Variants in DCC observed in about 807,000 individuals in gnomAD.
DCC encodes DCC netrin 1 receptor.
Under a neutral mutation model 172.5 loss-of-function variants are expected in DCC, and 58 were observed. The observed-to-expected ratio is 0.34, with a 90% CI of 0.27 to 0.42. The LOEUF (loss-of-function observed/expected upper bound fraction) is 0.42. Ranked by LOEUF, DCC falls within the 10% of genes least tolerant of loss-of-function variation. The pLI, the probability that DCC is intolerant of heterozygous loss-of-function variation, is 1.00. For synonymous variants in DCC, 709 were observed against 644.5 expected (o/e 1.10, Z -1.52); for missense variants, 1,740 against 1,791.0 (o/e 0.97, Z 0.51).
chr18:53,317,025 G>C (rs371346787), intron 13 of DCC, among the ~76,000 whole-genome samples: 1 of 152,150 alleles, frequency 6.6e-6, no homozygotes, highest in Non-Finnish European at 1.5e-5. Context: ...GTCTTGTGCC[G>C]GCTTTCAAAG....
intron 1 of DCC, among the ~76,000 whole-genome samples, chr18:52,586,607 T>C (rs2033679795): frequency 6.6e-6 from 1 of 152,216 alleles, no homozygotes; most frequent in Non-Finnish European, 1.5e-5. Flanking sequence ...AAGGTAATGT[T>C]GCAGGAACAG....
chr18:52,798,619 A>G (rs1405750320), intron 2 of DCC, among the ~76,000 whole-genome samples: 1 of 152,240 alleles, frequency 6.6e-6, no homozygotes, highest in Admixed American at 6.5e-5. Context: ...GATTATTTAT[A>G]ACTGTGTCTG....
At chr18:53,499,862 G>A (rs2046074900) in intron 27 of DCC, among the ~76,000 whole-genome samples, 1 of 152,110 alleles carries the variant, frequency 6.6e-6, no homozygotes, top group Admixed American at 6.5e-5. Flanking sequence ...GTTAAAGCTA[G>A]ACTGCAAGAC....
intron 1 of DCC, among the ~76,000 whole-genome samples, chr18:52,658,853 G>A (rs2035304693): frequency 6.6e-6 from 1 of 152,080 alleles, no homozygotes; most frequent in African/African-American, 2.4e-5. Context: ...TTCATGTGAA[G>A]TTTACAGTCT....
chr18:53,190,661 T>A (rs1380780007), intron 9 of DCC, among the ~76,000 whole-genome samples: 1 of 152,150 alleles, frequency 6.6e-6, no homozygotes, highest in East Asian at 1.9e-4. Flanking sequence ...ATTTTTAAAA[T>A]CTCAGCAGGG....
chr18:52,518,811 G>A lies in DCC; in HGVS notation c.91+177933G>A, dbSNP rs116324834. ...AGACAAAAATGACTGGACCCCTATG[G>A]TGCATTTTTGTTTTATTTGCTTTTA... On this transcript the variant is annotated intron_variant, in intron 1 of 28. Transcript: ENST00000442544. Among the ~76,000 whole-genome samples the A allele has an allele frequency of 7.4e-3, 1,121 of 152,250 alleles. 9 individuals are homozygous for A. Among genetic ancestry groups the A allele is most frequent in the African/African-American group, 0.025 (1,023 of 41,542 alleles).
At chr18:53,099,389 T>G (rs2043130724) in intron 7 of DCC, among the ~76,000 whole-genome samples, 1 of 152,134 alleles carries the variant, frequency 6.6e-6, no homozygotes, top group African/African-American at 2.4e-5. Flanking sequence ...CTATGCCCTT[T>G]GACATGTTTT....
At chr18:53,067,487 A>G (rs1368554811) in intron 7 of DCC, among the ~76,000 whole-genome samples, 3 of 152,210 alleles carry the variant, frequency 2.0e-5, no homozygotes, top group South Asian at 2.1e-4. Flanking sequence ...ACACTACTGC[A>G]CTACAACCTG....
intron 27 of DCC, among the ~76,000 whole-genome samples, chr18:53,511,853 T>C (rs1204174770): frequency 2.0e-5 from 3 of 152,130 alleles, no homozygotes; most frequent in African/African-American, 7.2e-5. Flanking sequence ...CACGGCAGTC[T>C]GAGATCAAAC....
intron 1 of DCC, among the ~76,000 whole-genome samples, chr18:52,435,469 G>T (rs190023133): frequency 1.3e-5 from 2 of 152,230 alleles, no homozygotes; most frequent in African/African-American, 4.8e-5. Flanking sequence ...GCCTCGGGTG[G>T]ATGGGACCAC....
At chr18:52,761,098 G>A (rs1389462025) in intron 2 of DCC, among the ~76,000 whole-genome samples, 2 of 152,202 alleles carry the variant, frequency 1.3e-5, no homozygotes, top group Non-Finnish European at 2.9e-5. Context: ...AGAAAAAGAG[G>A]TTTATTACAG....
At position 52,824,003 on chromosome 18, in the gene DCC, G is replaced by A. The variant is rs1835708; in HGVS notation, c.412+71629G>A. 3.5e-4 allele frequency among the ~76,000 whole-genome samples: 53 copies of A among 152,264 alleles called. 2 individuals are homozygous for A. The South Asian group carries it at 7.3e-3, about 21-fold the overall frequency. Reference sequence around the variant, plus strand: ...CAAAACAGAATAAGGAAACATGCTCGCTAAAACTGAGCATGGAGGTGAGAA... The same window carrying A: ...CAAAACAGAATAAGGAAACATGCTCACTAAAACTGAGCATGGAGGTGAGAA... On this transcript the variant is annotated intron_variant, in intron 2 of 28. Coordinates refer to ENST00000442544, the MANE Select transcript of DCC (RefSeq NM_005215.4).
At chr18:52,653,429 C>T (rs1024676022) in intron 1 of DCC, among the ~76,000 whole-genome samples, 2 of 152,216 alleles carry the variant, frequency 1.3e-5, no homozygotes, top group African/African-American at 4.8e-5. Flanking sequence ...TTCTATGTGG[C>T]AAGAAATAAT....
intron 15 of DCC, among the ~76,000 whole-genome samples, chr18:53,354,322 C>A (rs1389162830): frequency 6.6e-6 from 1 of 152,118 alleles, no homozygotes; most frequent in Non-Finnish European, 1.5e-5. Context: ...GTTCTAGATC[C>A]CTGAGGAATC....
intron 1 of DCC, among the ~76,000 whole-genome samples, chr18:52,594,121 C>CTA (rs1194736710): frequency 6.6e-6 from 1 of 152,148 alleles, no homozygotes; most frequent in African/African-American, 2.4e-5. Context: ...AGAGAAAAGG[C>CTA]TATAATAAGT....
At chr18:53,268,676 G>C (rs552569156) in intron 12 of DCC, among the ~76,000 whole-genome samples, 2 of 152,160 alleles carry the variant, frequency 1.3e-5, no homozygotes, top group African/African-American at 4.8e-5. Context: ...AGTTTAAAAT[G>C]GCAATGTTTT....
intron 1 of DCC, among the ~76,000 whole-genome samples, chr18:52,667,867 G>C (rs1030891455): frequency 1.3e-5 from 2 of 152,198 alleles, no homozygotes; most frequent in Non-Finnish European, 2.9e-5. Context: ...CCTTGATAAA[G>C]GCTGGTAAGA....
At chr18:52,351,647 T>C (rs902269612) in intron 1 of DCC, among the ~76,000 whole-genome samples, 15 of 152,226 alleles carry the variant, frequency 9.9e-5, no homozygotes, top group Non-Finnish European at 1.3e-4. Context: ...TCACCTTTTC[T>C]ATAAAAATAG....
intron 1 of DCC, among the ~76,000 whole-genome samples, chr18:52,527,370 A>T (rs1145270): frequency 1.3e-5 from 2 of 152,096 alleles, no homozygotes; most frequent in Non-Finnish European, 2.9e-5. Flanking sequence ...TTCTTTTGCT[A>T]TAATAAATGC....
Sources: gnomAD v4.1 joint callset for allele counts (sites outside exome capture counted in the v4.1 genomes callset) on GRCh38, gnomAD v4.1.1 for gene constraint, MANE v1.5 for transcripts, NCBI Gene and HGNC (gene_info 2026-07-23, HGNC 2026-07-21) for gene names.